The following TLL2 variants were observed in gnomAD, a reference collection of about 807,000 sequenced individuals.
The protein encoded by TLL2 is tolloid like 2, also known as tolloid-like protein 2.
Under a neutral mutation model 123.0 loss-of-function variants are expected in TLL2, and 106 were observed. The observed-to-expected ratio is 0.86, with a 90% confidence interval of 0.74 to 1.01. The LOEUF is 1.01. Among genes scored for constraint, TLL2 ranks in the 50% least tolerant of loss-of-function variants. The probability of loss-of-function intolerance (pLI) is 0.00; values close to 1 mark genes in which losing one functional copy is unlikely to be tolerated. For synonymous variants in TLL2, 494 were observed against 516.8 expected, an observed-to-expected ratio of 0.96 and a Z score of 0.60; for missense variants, 1,332 against 1,336.7, an observed-to-expected ratio of 1.00 and a Z score of 0.06.
At position 96,411,685 on chromosome 10, in the gene TLL2, T is replaced by A. The variant is rs976628265; in HGVS notation, c.1049-1211A>T. On this transcript the variant is annotated intron_variant, in intron 8 of 20. Transcript: ENST00000357947. ...TCCTCTTATGTGGCCAACCCTAACA[T>A]GTGGAGATCCAGCATCCTTAGGCAT... Among the ~76,000 whole-genome samples, 3 of 152,326 alleles carry A rather than the reference T, an allele frequency of 2.0e-5. No homozygotes were observed. The East Asian group carries it at 5.8e-4, about 29-fold the overall frequency.
intron 2 of TLL2, among the ~76,000 whole-genome samples, chr10:96,474,670 A>G (rs1277991498): frequency 1.3e-5 from 2 of 152,218 alleles, no homozygotes; most frequent in Admixed American, 1.3e-4. Context: ...TCTAATAAGC[A>G]AGGGGGAGCT....
At chr10:96,507,780 G>A (rs1324302635) in intron 1 of TLL2, among the ~76,000 whole-genome samples, 1 of 152,200 alleles carries the variant, frequency 6.6e-6, no homozygotes, top group Admixed American at 6.5e-5. Flanking sequence ...CAGAGCCTGT[G>A]CTCTTAACTG....
intron 1 of TLL2, among the ~76,000 whole-genome samples, chr10:96,493,824 G>C (rs1847441799): frequency 6.6e-6 from 1 of 152,198 alleles, no homozygotes; most frequent in African/African-American, 2.4e-5. Flanking sequence ...GAATCCGTGA[G>C]TGAACAAATA....
At chr10:96,461,625 C>G (rs1847082567) in intron 2 of TLL2, among the ~76,000 whole-genome samples, 1 of 152,234 alleles carries the variant, frequency 6.6e-6, no homozygotes, top group Non-Finnish European at 1.5e-5. Flanking sequence ...TTAGCCTCTG[C>G]CTTCCACCTG....
chr10:96,496,400 T>C (rs1475954520), intron 1 of TLL2, among the ~76,000 whole-genome samples: 1 of 152,198 alleles, frequency 6.6e-6, no homozygotes, highest in Non-Finnish European at 1.5e-5. Flanking sequence ...ACTCTCCATG[T>C]TAAAGGTCAG....
At chr10:96,457,845 G>A (rs2134092527) in intron 2 of TLL2, among the ~76,000 whole-genome samples, 1 of 152,320 alleles carries the variant, frequency 6.6e-6, no homozygotes, top group African/African-American at 2.4e-5. Flanking sequence ...AAAAGCCTAA[G>A]AGGAAGATTC....
Position 96,376,814 on chromosome 10 carries a change from A to G in TLL2, c.2326T>C (p.Cys776Arg). Reference protein sequence around the residue: ...ENGHDCKEAGCAHKISSVEGT... With the variant: ...ENGHDCKEAGRAHKISSVEGT... ...TCCACACTGCTGATCTTGTGTGCAC[A>G]GCCAGCTGGGGGTGGCAGGGGGACA... is the stretch of plus-strand genomic sequence containing the variant. The change falls in exon 18 of 21, where the codon TGT becomes CGT. Residue 776 changes from cysteine (C) to arginine (R), a missense_variant. Coordinates refer to ENST00000357947, the MANE Select transcript of TLL2 (RefSeq NM_012465.4). The G allele has an allele frequency of 3.3e-6, 5 of 1,533,454 alleles. No homozygotes were observed. Among genetic ancestry groups the G allele is most frequent in the South Asian group, 1.2e-5 (1 of 80,418 alleles). The allele number at this position is 1,533,454 out of a possible 1,614,324, so 95.0% of individuals were successfully genotyped here.
rs1368250833 is a variant in TLL2 at position 96,367,857 on chromosome 10, T to G, written c.*231A>C. 7.7e-6 allele frequency: 4 copies of G among 521,000 alleles called. No individual in the cohort carries two copies. In the East Asian group the frequency reaches 1.3e-4, roughly 17 times the overall value. 32.3% of individuals were successfully genotyped at this position (521,000 alleles called of 1,614,324 possible). On this transcript the variant is annotated 3_prime_UTR_variant, in exon 21 of 21. Coordinates refer to ENST00000357947, the MANE Select transcript of TLL2 (RefSeq NM_012465.4). Reference sequence around the variant, plus strand: ...TCCTAATCTTTAACACTTTAACAGTTCATGAATGATAACATTGCAGACAGA... The same window carrying G: ...TCCTAATCTTTAACACTTTAACAGTGCATGAATGATAACATTGCAGACAGA...
chr10:96,486,286 A>G (rs570423988), intron 1 of TLL2, among the ~76,000 whole-genome samples: 23 of 152,362 alleles, frequency 1.5e-4, no homozygotes, highest in African/African-American at 5.0e-4. Context: ...AACCAAAAGA[A>G]AACAAGAAAA....
chr10:96,369,252 C>T (rs780691378), intron 20 of TLL2, among the ~76,000 whole-genome samples: 1 of 152,086 alleles, frequency 6.6e-6, no homozygotes, highest in African/African-American at 2.4e-5. Flanking sequence ...ATGCCAAGCC[C>T]AGTGTCAGGT....
chr10:96,460,158 C>G (rs1178571537), intron 2 of TLL2, among the ~76,000 whole-genome samples: 3 of 152,058 alleles, frequency 2.0e-5, no homozygotes, highest in African/African-American at 7.3e-5. Context: ...GGGAAAATAC[C>G]TGCATTGAAG....
chr10:96,490,511 G>A (rs1234434472), intron 1 of TLL2, among the ~76,000 whole-genome samples: 1 of 152,170 alleles, frequency 6.6e-6, no homozygotes, highest in Non-Finnish European at 1.5e-5. Flanking sequence ...GTGAAAAGTA[G>A]GGAACTAAGC....
chr10:96,480,719 T>C (rs1847304929), intron 1 of TLL2, among the ~76,000 whole-genome samples: 1 of 152,240 alleles, frequency 6.6e-6, no homozygotes, highest in Admixed American at 6.5e-5. Flanking sequence ...AAAGGTCACC[T>C]GTCTTGTCCT....
intron 4 of TLL2, among the ~76,000 whole-genome samples, chr10:96,431,191 A>AT (rs560351710): frequency 8.5e-5 from 13 of 152,072 alleles, no homozygotes; most frequent in African/African-American, 1.4e-4. Flanking sequence ...TATAATTTCT[A>AT]TTTTTTTTCT....
In TLL2 at chr10:96,462,849, T is replaced by C. The variant is rs1374965715; in HGVS notation, c.287-16681A>G. Among the ~76,000 whole-genome samples, 7 of 152,182 alleles carry C rather than the reference T, an allele frequency of 4.6e-5. No individual in the cohort carries two copies. In the East Asian group the frequency reaches 1.3e-3, roughly 29 times the overall value. On this transcript the variant is annotated intron_variant, in intron 2 of 20. Coordinates refer to ENST00000357947, the MANE Select transcript of TLL2 (RefSeq NM_012465.4). The stretch of plus-strand genomic sequence containing the variant: ...ACTTCAGCACTATACTTGGGGGCCA[T>C]GTTAAATAGCAAAATCACCAACAAA...
intron 1 of TLL2, among the ~76,000 whole-genome samples, chr10:96,509,325 C>G (rs934964374): frequency 6.6e-6 from 1 of 152,146 alleles, no homozygotes; most frequent in Non-Finnish European, 1.5e-5. Flanking sequence ...TTCTACCCCA[C>G]TGGTCTGGAA....
At chr10:96,440,352 G>T (rs1399746509) in intron 3 of TLL2, among the ~76,000 whole-genome samples, 1 of 152,200 alleles carries the variant, frequency 6.6e-6, no homozygotes, top group East Asian at 1.9e-4. Context: ...GAAGGGATGA[G>T]CTATTCTAAA....
intron 16 of TLL2, among the ~76,000 whole-genome samples, chr10:96,383,459 C>T (rs1435736186): frequency 1.3e-5 from 2 of 152,066 alleles, no homozygotes; most frequent in African/African-American, 2.4e-5. Flanking sequence ...ATAAGTCTCA[C>T]GAGATCTGAT....
At chr10:96,422,495 G>A (rs1301852886) in intron 6 of TLL2, 54 bp downstream of exon 6, 3 of 1,602,248 alleles carry the variant, frequency 1.9e-6, no homozygotes, top group Admixed American at 1.7e-5. Flanking sequence ...TCCTGTCCCT[G>A]AGGTTGCCAC....
Sources: allele counts gnomAD v4.1 joint callset (sites outside exome capture counted in the v4.1 genomes callset), GRCh38; gene constraint gnomAD v4.1.1; transcripts MANE v1.5; gene names NCBI Gene and HGNC (gene_info 2026-07-23, HGNC 2026-07-21).